The following SKAP1 variants were observed in gnomAD, a reference collection of about 807,000 sequenced individuals.
SKAP1 encodes the protein src kinase associated phosphoprotein 1.
A neutral mutation model predicts 58.5 loss-of-function variants in SKAP1; 44 were observed. The ratio of observed to expected loss-of-function variants is 0.75; its 90% CI spans 0.59 to 0.97. The LOEUF (loss-of-function observed/expected upper bound fraction) is 0.97, where lower values mean the gene tolerates loss of function less well. SKAP1 is among the 50% of genes least tolerant of loss of function. The probability of loss-of-function intolerance (pLI) is 0.00; values close to 1 mark genes in which losing one functional copy is unlikely to be tolerated. For missense variants in SKAP1, 390 were observed against 435.2 expected, an observed-to-expected ratio of 0.90 and a Z score of 0.92; for synonymous variants, 127 against 149.7, an observed-to-expected ratio of 0.85 and a Z score of 1.11.
chr17:48,355,700 G>A (rs1312561218), intron 3 of SKAP1, among the ~76,000 whole-genome samples: 1 of 152,116 alleles, frequency 6.6e-6, no homozygotes, highest in African/African-American at 2.4e-5. Context: ...GGTGGCACAT[G>A]CCTGTAATCT....
intron 4 of SKAP1, among the ~76,000 whole-genome samples, chr17:48,315,450 A>C (rs2066275791): frequency 6.6e-6 from 1 of 152,194 alleles, no homozygotes; most frequent in African/African-American, 2.4e-5. Context: ...TAATTATGAC[A>C]ATTTCCAAAG....
chr17:48,293,422 A>G (rs1240043966), intron 4 of SKAP1, among the ~76,000 whole-genome samples: 1 of 152,184 alleles, frequency 6.6e-6, no homozygotes, highest in African/African-American at 2.4e-5. Flanking sequence ...AAACTACTCC[A>G]CAGAGATGAT....
chr17:48,369,474 G>C (rs1386248612), intron 2 of SKAP1, among the ~76,000 whole-genome samples: 1 of 143,214 alleles, frequency 7.0e-6, no homozygotes, highest in Non-Finnish European at 1.5e-5. Flanking sequence ...CTGGGCAACA[G>C]AGTGAGACCC....
chr17:48,321,624 AGCCTCG>A (rs1229191337), intron 4 of SKAP1, among the ~76,000 whole-genome samples: 1 of 151,904 alleles, frequency 6.6e-6, no homozygotes, highest in East Asian at 1.9e-4. Flanking sequence ...GTGATCCGCC[AGCCTCG>A]GCCTCCCAAA....
chr17:48,315,011 C>T (rs1308309933), intron 4 of SKAP1, among the ~76,000 whole-genome samples: 1 of 152,098 alleles, frequency 6.6e-6, no homozygotes, highest in East Asian at 1.9e-4. Flanking sequence ...TTCCAGGAAA[C>T]AGAGAGAAAT....
chr17:48,236,333 G>A (rs923690013), intron 4 of SKAP1, among the ~76,000 whole-genome samples: 4 of 152,058 alleles, frequency 2.6e-5, no homozygotes, highest in African/African-American at 7.2e-5. Flanking sequence ...TTGTATTAAG[G>A]TTTCTACGAG....
At chr17:48,301,607 G>A (rs1490748564) in intron 4 of SKAP1, among the ~76,000 whole-genome samples, 4 of 152,116 alleles carry the variant, frequency 2.6e-5, no homozygotes. Context: ...CTCCCAAGTA[G>A]CTGGGATTAC....
intron 4 of SKAP1, among the ~76,000 whole-genome samples, chr17:48,337,164 G>T (rs2066583852): frequency 6.6e-6 from 1 of 152,010 alleles, no homozygotes; most frequent in East Asian, 1.9e-4. Flanking sequence ...AGTGTATCCG[G>T]ATTTAAGCTA....
chr17:48,244,042 A>C (rs1006172007), intron 4 of SKAP1, among the ~76,000 whole-genome samples: 1 of 152,202 alleles, frequency 6.6e-6, no homozygotes, highest in Non-Finnish European at 1.5e-5. Flanking sequence ...TATTTTCCCC[A>C]CAGTGTGCAA....
At chr17:48,426,861 T>TA (rs2067859381) in intron 1 of SKAP1, among the ~76,000 whole-genome samples, 1 of 151,830 alleles carries the variant, frequency 6.6e-6, no homozygotes, top group Non-Finnish European at 1.5e-5. Flanking sequence ...TTTTTTTTTT[T>TA]AATTTCTCCA....
At chr17:48,427,127 A>G (rs2067862747) in intron 1 of SKAP1, among the ~76,000 whole-genome samples, 1 of 152,214 alleles carries the variant, frequency 6.6e-6, no homozygotes, top group Admixed American at 6.5e-5. Flanking sequence ...CAAGGAAGCC[A>G]ATGTTAACAG....
intron 4 of SKAP1, among the ~76,000 whole-genome samples, chr17:48,287,149 C>T (rs997215148): frequency 6.8e-6 from 1 of 146,754 alleles, no homozygotes; most frequent in Non-Finnish European, 1.5e-5. Context: ...TAAAAATCAT[C>T]TAGATAATTT....
In SKAP1 at chr17:48,172,820, C is replaced by A. The variant is rs908335221; in HGVS notation, c.827-2161G>T. Among the ~76,000 whole-genome samples, 16 of 152,042 alleles carry A rather than the reference C, an allele frequency of 1.1e-4. 1 individual carries two copies. The highest frequency in any genetic ancestry group is 7.9e-4 in the Admixed American group (12 of 15,244). Reference sequence around the variant, plus strand: ...CTCCAAGCTCATAGGTAAGAAGGAGCAGCATAAAAATATATTAGAATACTA... The same window carrying A: ...CTCCAAGCTCATAGGTAAGAAGGAGAAGCATAAAAATATATTAGAATACTA... On this transcript the variant is annotated intron_variant, in intron 9 of 12. Coordinates refer to ENST00000336915, the MANE Select transcript of SKAP1 (RefSeq NM_003726.4).
chr17:48,317,767 T>C (rs1191307291), intron 4 of SKAP1, among the ~76,000 whole-genome samples: 3 of 152,142 alleles, frequency 2.0e-5, no homozygotes, highest in Non-Finnish European at 2.9e-5. Flanking sequence ...GTTTTATGCT[T>C]ATCAATGGCT....
rs578040337 is a variant in SKAP1 at position 48,281,956 on chromosome 17, A to G, written c.280+63949T>C. Among the ~76,000 whole-genome samples the G allele has an allele frequency of 4.6e-4, 70 of 152,374 alleles. 1 individual carries two copies. The highest frequency in any genetic ancestry group is 1.6e-3 in the African/African-American group (65 of 41,582). ...AGCAATAAGGAAAACCTGAAGAACA[A>G]CAGCTAAGTGTAACTAAGAGTACAT... On this transcript the variant is annotated intron_variant, in intron 4 of 12. Coordinates refer to ENST00000336915, the MANE Select transcript of SKAP1 (RefSeq NM_003726.4).
chr17:48,398,435 AG>A (rs1271757473), intron 1 of SKAP1, among the ~76,000 whole-genome samples: 1 of 152,046 alleles, frequency 6.6e-6, no homozygotes, highest in African/African-American at 2.4e-5. Flanking sequence ...CATTATGGTG[AG>A]TTGTATAATT....
chr17:48,311,777 G>A (rs1366432264), intron 4 of SKAP1, among the ~76,000 whole-genome samples: 1 of 152,132 alleles, frequency 6.6e-6, no homozygotes, highest in Non-Finnish European at 1.5e-5. Flanking sequence ...ATCTGTGTCA[G>A]AGATTACTTT....
intron 10 of SKAP1, among the ~76,000 whole-genome samples, chr17:48,163,541 C>G (rs577066475): frequency 1.3e-5 from 2 of 152,274 alleles, no homozygotes; most frequent in East Asian, 3.9e-4. Context: ...TTGGGGTGCT[C>G]TGTATCAGAG....
At chr17:48,402,132 A>T (rs2067505845) in intron 1 of SKAP1, among the ~76,000 whole-genome samples, 1 of 152,218 alleles carries the variant, frequency 6.6e-6, no homozygotes. Context: ...ATGTTGTTGA[A>T]AATGTAGAAA....
Sources: allele counts gnomAD v4.1 joint callset (sites outside exome capture counted in the v4.1 genomes callset), GRCh38; gene constraint gnomAD v4.1.1; transcripts MANE v1.5; gene names NCBI Gene and HGNC (gene_info 2026-07-23, HGNC 2026-07-21).